The following PTPRJ variants were observed in gnomAD, a reference collection of about 807,000 sequenced individuals.
The protein encoded by PTPRJ is protein tyrosine phosphatase receptor type J.
Under a neutral mutation model 141.3 loss-of-function variants are expected in PTPRJ, and 129 were observed. The ratio of observed to expected loss-of-function variants is 0.91; its 90% CI spans 0.79 to 1.06. The LOEUF (loss-of-function observed/expected upper bound fraction) is 1.06, where lower values mean the gene tolerates loss of function less well. Ranked by LOEUF, PTPRJ falls within the 50% of genes least tolerant of loss-of-function variation. PTPRJ has a pLI of 0.00. For synonymous variants in PTPRJ, 610 were observed against 640.5 expected, an observed-to-expected ratio of 0.95 and a Z score of 0.72; for missense variants, 1,601 against 1,679.7, an observed-to-expected ratio of 0.95 and a Z score of 0.82.
chr11:48,149,788 AACC>A, intron 16 of PTPRJ, 199 bp from the exon 17 acceptor site: 2 of 571,700 alleles, frequency 3.5e-6, no homozygotes, highest in Non-Finnish European at 6.2e-6. Context: ...AAAGTCACAA[AACC>A]AATTAGTTAC....
intron 1 of PTPRJ, among the ~76,000 whole-genome samples, chr11:48,069,445 ATTTTTTTTTTT>A (rs35405916): frequency 8.2e-6 from 1 of 121,322 alleles, no homozygotes; most frequent in Non-Finnish European, 1.7e-5. Context: ...TACATTGATA[ATTTTTTTTTTT>A]TTTTTTTTTT....
At chr11:47,992,714 G>A (rs920625685) in intron 1 of PTPRJ, among the ~76,000 whole-genome samples, 7 of 152,118 alleles carry the variant, frequency 4.6e-5, no homozygotes, top group African/African-American at 7.2e-5. Flanking sequence ...TTGAAACTGG[G>A]ATGTAAAATC....
At chr11:48,136,593 G>A (rs1224079733) in intron 9 of PTPRJ, among the ~76,000 whole-genome samples, 1 of 151,934 alleles carries the variant, frequency 6.6e-6, no homozygotes, top group African/African-American at 2.4e-5. Flanking sequence ...TGTCATGTTG[G>A]TATTGGAAGA....
Position 48,163,491 on chromosome 11 carries a change from T to A in PTPRJ, c.3592T>A (p.Phe1198Ile). Reference protein sequence around the residue: ...QTSESHPLRQFHFTSWPDHGV... With the variant: ...QTSESHPLRQIHFTSWPDHGV... ...AAGTGAGAGTCACCCTCTGAGACAGTTCCATTTCACCTCCTGGCCAGACCA... is the reference window on the plus strand; with the variant it reads ...AAGTGAGAGTCACCCTCTGAGACAGATCCATTTCACCTCCTGGCCAGACCA... Residue 1198 changes from phenylalanine to isoleucine, a missense_variant, in exon 23 of 25, where the codon TTC becomes ATC. By Grantham distance (21) the Phe-to-Ile change is conservative. Transcript: ENST00000418331. 1 of 1,613,982 alleles carries A rather than the reference T, an allele frequency of 6.2e-7. No individual in the cohort carries two copies. Among genetic ancestry groups the A allele is most frequent in the Non-Finnish European group, 8.5e-7 (1 of 1,179,976 alleles).
intron 1 of PTPRJ, among the ~76,000 whole-genome samples, chr11:48,088,617 A>G (rs979116341): frequency 6.6e-6 from 1 of 152,130 alleles, no homozygotes; most frequent in Admixed American, 6.5e-5. Flanking sequence ...TGGGCCTTCT[A>G]TGGGCCCTCT....
intron 1 of PTPRJ, among the ~76,000 whole-genome samples, chr11:48,051,159 G>C (rs1191444992): frequency 7.4e-6 from 1 of 135,886 alleles, no homozygotes; most frequent in Non-Finnish European, 1.5e-5. Flanking sequence ...GCAATGATGC[G>C]ATCTTGGCTT....
At chr11:48,092,252 G>A (rs1855883858) in intron 1 of PTPRJ, among the ~76,000 whole-genome samples, 4 of 118,734 alleles carry the variant, frequency 3.4e-5, no homozygotes, top group Non-Finnish European at 6.4e-5. Flanking sequence ...CCGACATCGC[G>A]CCACTGCACT....
At chr11:48,074,568 A>C (rs1855349842) in intron 1 of PTPRJ, among the ~76,000 whole-genome samples, 1 of 152,218 alleles carries the variant, frequency 6.6e-6, no homozygotes, top group Non-Finnish European at 1.5e-5. Flanking sequence ...CTGAGCCTTA[A>C]TCTAATTAGA....
chr11:47,984,367 G>A (rs1163455405), intron 1 of PTPRJ, among the ~76,000 whole-genome samples: 1 of 152,140 alleles, frequency 6.6e-6, no homozygotes, highest in African/African-American at 2.4e-5. Flanking sequence ...CACTTCTTGG[G>A]CTAGGGAATT....
chr11:48,023,291 T>C (rs1336662226), intron 1 of PTPRJ, among the ~76,000 whole-genome samples: 1 of 152,180 alleles, frequency 6.6e-6, no homozygotes, highest in African/African-American at 2.4e-5. Flanking sequence ...TGCTACCTCT[T>C]CCTCCTCTTG....
At chr11:48,019,126 G>A (rs1354383389) in intron 1 of PTPRJ, among the ~76,000 whole-genome samples, 4 of 152,184 alleles carry the variant, frequency 2.6e-5, no homozygotes, top group African/African-American at 9.6e-5. Flanking sequence ...AGGCTGCCAA[G>A]AGTTTAAGTT....
At chr11:48,146,505 C>G (rs1483033621) in intron 14 of PTPRJ, among the ~76,000 whole-genome samples, 1 of 152,154 alleles carries the variant, frequency 6.6e-6, no homozygotes, top group Non-Finnish European at 1.5e-5. Flanking sequence ...CTGTAGGTAC[C>G]TCTGCTCATA....
chr11:48,090,310 C>T (rs1855835047), intron 1 of PTPRJ, among the ~76,000 whole-genome samples: 1 of 152,180 alleles, frequency 6.6e-6, no homozygotes, highest in Admixed American at 6.5e-5. Flanking sequence ...ACACTTGCTA[C>T]TCAGGCTTCA....
intron 1 of PTPRJ, among the ~76,000 whole-genome samples, chr11:48,080,680 C>T (rs1345107081): frequency 6.6e-6 from 1 of 152,198 alleles, no homozygotes; most frequent in African/African-American, 2.4e-5. Flanking sequence ...TGCCAAAGAT[C>T]GGCAAAGATA....
chr11:47,981,044 G>C (rs1853889564), intron 1 of PTPRJ, 36 bp downstream of exon 1: 1 of 1,209,620 alleles, frequency 8.3e-7, no homozygotes, highest in Admixed American at 4.4e-5. Context: ...GGGGCAGGAG[G>C]CTGGGGCGGG....
intron 1 of PTPRJ, among the ~76,000 whole-genome samples, chr11:48,039,511 G>A (rs1237423518): frequency 2.0e-5 from 3 of 151,716 alleles, no homozygotes; most frequent in African/African-American, 7.3e-5. Flanking sequence ...GTATGCACAT[G>A]TGTGGCCTTT....
In PTPRJ at chr11:48,005,116, C is replaced by G. The variant is rs1430101893; in HGVS notation, c.96+24108C>G. 2.0e-5 allele frequency among the ~76,000 whole-genome samples: 3 copies of G among 151,704 alleles called. No individual in the cohort carries two copies. In the East Asian group the frequency reaches 5.8e-4, roughly 29 times the overall value. On this transcript the variant is annotated intron_variant, in intron 1 of 24. Coordinates refer to ENST00000418331, the MANE Select transcript of PTPRJ (RefSeq NM_002843.4). ...GGGTGCCTCTAATCCCACCTGCTTG[C>G]GAGGCTGAGGCTGGAGAATCACTTG... is the stretch of plus-strand genomic sequence containing the variant.
chr11:48,124,868 A>G (rs1341657316), intron 5 of PTPRJ, 100 bp from the exon 6 acceptor site: 2 of 1,096,690 alleles, frequency 1.8e-6, no homozygotes, highest in East Asian at 2.4e-5. Context: ...AACTGTGGCC[A>G]CTGTCTGATG....
intron 1 of PTPRJ, among the ~76,000 whole-genome samples, chr11:47,989,684 T>C (rs1854141631): frequency 6.6e-6 from 1 of 152,204 alleles, no homozygotes; most frequent in African/African-American, 2.4e-5. Context: ...GTATAAGCTC[T>C]TTGGAAATTA....
Sources: gnomAD v4.1 joint callset for allele counts (sites outside exome capture counted in the v4.1 genomes callset) on GRCh38, gnomAD v4.1.1 for gene constraint, MANE v1.5 for transcripts, NCBI Gene and HGNC (gene_info 2026-07-23, HGNC 2026-07-21) for gene names.